Variants in RABGAP1L observed in about 807,000 individuals in gnomAD.
RABGAP1L encodes rab GTPase-activating protein 1-like.
In RABGAP1L, 63 loss-of-function variants were observed where a neutral mutation model predicts 137.7. The ratio of observed to expected loss-of-function variants is 0.46; its 90% CI spans 0.37 to 0.56. RABGAP1L has a LOEUF of 0.56. Ranked by LOEUF, RABGAP1L falls within the 20% of genes least tolerant of loss-of-function variation. The pLI, the probability that RABGAP1L is intolerant of heterozygous loss-of-function variation, is 0.00. For synonymous variants in RABGAP1L, 431 were observed against 433.7 expected, an observed-to-expected ratio of 0.99 and a Z score of 0.08; for missense variants, 1,095 against 1,244.0, an observed-to-expected ratio of 0.88 and a Z score of 1.80.
chr1:174,393,692 A>G (rs145399963), intron 12 of RABGAP1L, among the ~76,000 whole-genome samples: 8 of 152,318 alleles, frequency 5.3e-5, no homozygotes, highest in Admixed American at 2.6e-4. Context: ...TTGCCTAGCA[A>G]TATATAACTA....
rs546404269 is a variant in RABGAP1L, at chr1:174,621,297, C to T, written c.1711-16078C>T. 4.6e-5 allele frequency among the ~76,000 whole-genome samples: 7 copies of T among 152,302 alleles called. 1 individual carries two copies. Among genetic ancestry groups the T allele is most frequent in the Admixed American group, 2.6e-4 (4 of 15,298 alleles). ...TACTCCCCAAGGTAATTTATAGATT[C>T]AATGCCATCCCCATCAAGCTACCAA... On this transcript the variant is annotated intron_variant, in intron 13 of 25. Coordinates refer to ENST00000681986, the MANE Select transcript of RABGAP1L (RefSeq NM_001366446.1).
intron 19 of RABGAP1L, chr1:174,922,522 C>T (rs1187889447): frequency 6.6e-6 from 1 of 152,212 alleles, no homozygotes; most frequent in Non-Finnish European, 1.5e-5. Context: ...GACAGTGGCT[C>T]TCTCTCGCAG....
At chr1:174,858,084 C>T (rs1649617536) in intron 19 of RABGAP1L, among the ~76,000 whole-genome samples, 1 of 152,156 alleles carries the variant, frequency 6.6e-6, no homozygotes, top group Non-Finnish European at 1.5e-5. Flanking sequence ...TGCAGTGGCA[C>T]TCATTGCAGT....
At chr1:174,425,041 A>G (rs1651792679) in intron 13 of RABGAP1L, among the ~76,000 whole-genome samples, 1 of 152,072 alleles carries the variant, frequency 6.6e-6, no homozygotes. Context: ...ACATTATTAT[A>G]TACAAAATAC....
At chr1:174,322,006 T>C (rs936051563) in intron 11 of RABGAP1L, among the ~76,000 whole-genome samples, 1 of 152,182 alleles carries the variant, frequency 6.6e-6, no homozygotes, top group Non-Finnish European at 1.5e-5. Context: ...ATCAGATGTG[T>C]TTTGCACATA....
chr1:174,962,443 A>G (rs1486423117), intron 20 of RABGAP1L, among the ~76,000 whole-genome samples: 1 of 152,194 alleles, frequency 6.6e-6, no homozygotes, highest in African/African-American at 2.4e-5. Flanking sequence ...TAATTTTTAA[A>G]ATCAAAATGT....
chr1:174,526,366 A>G (rs1475565015), intron 13 of RABGAP1L, among the ~76,000 whole-genome samples: 2 of 152,112 alleles, frequency 1.3e-5, no homozygotes, highest in Non-Finnish European at 2.9e-5. Context: ...GATATGAGTT[A>G]GGGAAAATTT....
At chr1:174,337,295 C>T (rs923035838) in intron 11 of RABGAP1L, among the ~76,000 whole-genome samples, 15 of 152,000 alleles carry the variant, frequency 9.9e-5, no homozygotes, top group African/African-American at 2.7e-4. Flanking sequence ...TTAGAACCCA[C>T]GGTAGCTTGC....
chr1:174,574,925 AG>A (rs929092615), intron 13 of RABGAP1L, among the ~76,000 whole-genome samples: 5 of 152,012 alleles, frequency 3.3e-5, no homozygotes, highest in Non-Finnish European at 5.9e-5. Flanking sequence ...TTCTTTGAAA[AG>A]TTTGTTTGTT....
At chr1:174,763,641 A>ACTCCGT (rs1245013205) in intron 18 of RABGAP1L, among the ~76,000 whole-genome samples, 1 of 105,450 alleles carries the variant, frequency 9.5e-6, no homozygotes, top group African/African-American at 3.7e-5. Context: ...ACAGAGCGAG[A>ACTCCGT]CTCCGTCTCA....
intron 13 of RABGAP1L, among the ~76,000 whole-genome samples, chr1:174,619,844 C>G (rs1302012620): frequency 1.3e-5 from 2 of 152,120 alleles, no homozygotes; most frequent in Non-Finnish European, 2.9e-5. Context: ...CACAGACTGG[C>G]AAATTGGATA....
chr1:174,431,669 A>G (rs1363847282), intron 13 of RABGAP1L, among the ~76,000 whole-genome samples: 1 of 152,210 alleles, frequency 6.6e-6, no homozygotes. Context: ...TGCTATGCAC[A>G]TAGATTCATA....
At position 174,749,951 on chromosome 1, in the gene RABGAP1L, G is replaced by A. The variant is rs190744352; in HGVS notation, c.2170-2362G>A. Among the ~76,000 whole-genome samples, 33 of 152,084 alleles carry A rather than the reference G, an allele frequency of 2.2e-4. No homozygotes were observed. In the East Asian group the frequency reaches 6.0e-3, roughly 28 times the overall value. On this transcript the variant is annotated intron_variant, in intron 17 of 25. Transcript: ENST00000681986. Reference sequence around the variant, plus strand: ...GGAGTGCGATCTCGGCTCATTGCAAGCTCCGCCTCCTGGGTTCACACCATT... The same window carrying A: ...GGAGTGCGATCTCGGCTCATTGCAAACTCCGCCTCCTGGGTTCACACCATT...
intron 13 of RABGAP1L, among the ~76,000 whole-genome samples, chr1:174,403,510 A>T (rs1355807035): frequency 1.3e-5 from 2 of 152,152 alleles, no homozygotes; most frequent in African/African-American, 4.8e-5. Flanking sequence ...AGCAGGCTTA[A>T]TAGTAGTATC....
intron 13 of RABGAP1L, among the ~76,000 whole-genome samples, chr1:174,575,130 A>G (rs1421488959): frequency 6.6e-6 from 1 of 152,090 alleles, no homozygotes; most frequent in African/African-American, 2.4e-5. Context: ...GGGTTTCTCC[A>G]TGTTAGTCAG....
At chr1:174,564,024 C>T (rs916480528) in intron 13 of RABGAP1L, among the ~76,000 whole-genome samples, 8 of 152,016 alleles carry the variant, frequency 5.3e-5, no homozygotes, top group Admixed American at 3.3e-4. Flanking sequence ...AAAGCTCTGC[C>T]TTGTAGTAAT....
intron 12 of RABGAP1L, among the ~76,000 whole-genome samples, chr1:174,387,809 T>C (rs1362806815): frequency 6.6e-6 from 1 of 152,068 alleles, no homozygotes; most frequent in Non-Finnish European, 1.5e-5. Context: ...TTTAAAGATC[T>C]GAGGGAACTG....
intron 13 of RABGAP1L, among the ~76,000 whole-genome samples, chr1:174,626,325 T>G (rs1672939322): frequency 6.6e-6 from 1 of 152,222 alleles, no homozygotes; most frequent in Non-Finnish European, 1.5e-5. Context: ...CTTATAGTCT[T>G]TAAAGAATGC....
At chr1:174,986,765 GA>G (rs1671625522) in intron 24 of RABGAP1L, among the ~76,000 whole-genome samples, 1 of 152,176 alleles carries the variant, frequency 6.6e-6, no homozygotes, top group South Asian at 2.1e-4. Context: ...GAAGTTATCT[GA>G]AGGTGCTATG....
Sources: gnomAD v4.1 joint callset for allele counts (sites outside exome capture counted in the v4.1 genomes callset) on GRCh38, gnomAD v4.1.1 for gene constraint, MANE v1.5 for transcripts, NCBI Gene and HGNC (gene_info 2026-07-23, HGNC 2026-07-21) for gene names.